HS6ST2: variants seen among roughly 807,000 people sequenced by gnomAD.
HS6ST2 encodes the protein heparan-sulfate 6-O-sulfotransferase 2.
Under a neutral mutation model 33.0 loss-of-function variants are expected in HS6ST2, and 17 were observed. The ratio of observed to expected loss-of-function variants is 0.52; its 90% CI spans 0.35 to 0.77. The LOEUF (loss-of-function observed/expected upper bound fraction) is 0.77. HS6ST2 is among the 30% of genes least tolerant of loss of function. HS6ST2 has a pLI of 0.01. For synonymous variants in HS6ST2, 248 were observed against 237.1 expected (o/e 1.05, Z -0.42); for missense variants, 519 against 551.7 (o/e 0.94, Z 0.59).
At chrX:132,902,050 T>C (rs1336258689) in intron 2 of HS6ST2, among the ~76,000 whole-genome samples, 1 of 110,782 alleles carries the variant, frequency 9.0e-6, no homozygotes, top group Non-Finnish European at 1.9e-5. Flanking sequence ...AATCCAGAAG[T>C]TGTATCAATT....
chrX:132,703,060 C>T (rs1050431218), intron 3 of HS6ST2, among the ~76,000 whole-genome samples: 2 of 112,325 alleles, frequency 1.8e-5, no homozygotes, highest in South Asian at 3.8e-4. Flanking sequence ...CTCTAACTCA[C>T]GCAAGGCAAA....
At chrX:132,935,968 A>G in intron 2 of HS6ST2, among the ~76,000 whole-genome samples, 1 of 108,898 alleles carries the variant, frequency 9.2e-6, no homozygotes, top group Admixed American at 1.0e-4. Flanking sequence ...CACTAAACAT[A>G]AAGCAAGCAG....
At chrX:132,869,906 G>C (rs1010144011) in intron 2 of HS6ST2, among the ~76,000 whole-genome samples, 9 of 111,589 alleles carry the variant, frequency 8.1e-5, no homozygotes, top group Non-Finnish European at 1.7e-4. Context: ...AGTATTGGAA[G>C]TTCTGGCCAG....
intron 3 of HS6ST2, among the ~76,000 whole-genome samples, chrX:132,699,932 G>A (rs1260711280): frequency 1.8e-5 from 2 of 112,206 alleles, no homozygotes; most frequent in East Asian, 2.8e-4. Context: ...ACAGCCTCAT[G>A]TGGATTTATA....
chrX:132,708,604 A>G, intron 2 of HS6ST2, 110 bp from the exon 3 acceptor site: 1 of 665,297 alleles, frequency 1.5e-6, no homozygotes. Flanking sequence ...CAGCTTCCCA[A>G]ACCTTAGGGA....
chrX:132,697,394 C>T (rs961665456), intron 3 of HS6ST2, among the ~76,000 whole-genome samples: 2 of 111,836 alleles, frequency 1.8e-5, no homozygotes, highest in Non-Finnish European at 3.8e-5. Flanking sequence ...AAAATTAAGG[C>T]CGGCTCTTCA....
chrX:132,943,893 G>T (rs913959418), intron 2 of HS6ST2, among the ~76,000 whole-genome samples: 2 of 111,489 alleles, frequency 1.8e-5, no homozygotes, highest in Admixed American at 1.9e-4. Context: ...CAAACCCACA[G>T]CCAAAATCAT....
chrX:132,742,187 G>A (rs1000485653), intron 2 of HS6ST2, among the ~76,000 whole-genome samples: 2 of 112,262 alleles, frequency 1.8e-5, no homozygotes, highest in East Asian at 2.8e-4. Context: ...ATCCAAAGAC[G>A]GAAGCTGCTA....
intron 2 of HS6ST2, among the ~76,000 whole-genome samples, chrX:132,821,274 G>A (rs1363803643): frequency 3.0e-5 from 3 of 101,390 alleles, no homozygotes; most frequent in African/African-American, 1.1e-4. Flanking sequence ...GTGCAGTGGC[G>A]GGATCTCGGC....
intron 2 of HS6ST2, among the ~76,000 whole-genome samples, chrX:132,812,446 A>T (rs1159988221): frequency 1.3e-5 from 1 of 77,952 alleles, no homozygotes; most frequent in Non-Finnish European, 2.7e-5. Context: ...AATAATAATA[A>T]AATAATAATA....
At chrX:132,648,734 C>A (rs1158499313) in intron 4 of HS6ST2, among the ~76,000 whole-genome samples, 2 of 111,078 alleles carry the variant, frequency 1.8e-5, no homozygotes, top group African/African-American at 6.6e-5. Flanking sequence ...TTTTTACTTT[C>A]TTTCATGCCT....
intron 3 of HS6ST2, among the ~76,000 whole-genome samples, chrX:132,694,373 G>C (rs2064087919): frequency 8.9e-6 from 1 of 111,756 alleles, no homozygotes; most frequent in Non-Finnish European, 1.9e-5. Context: ...GATATCTAGG[G>C]GAAGAGCATT....
chrX:132,798,959 C>A (rs189272796), intron 2 of HS6ST2, among the ~76,000 whole-genome samples: 1 of 111,998 alleles, frequency 8.9e-6, no homozygotes, highest in African/African-American at 3.2e-5. Context: ...CAGAACCTTG[C>A]AAGGAGGCCT....
intron 2 of HS6ST2, among the ~76,000 whole-genome samples, chrX:132,740,418 A>T (rs1322233565): frequency 9.0e-6 from 1 of 111,611 alleles, no homozygotes; most frequent in Non-Finnish European, 1.9e-5. Flanking sequence ...GAATGAGCTG[A>T]ACCCCATCAG....
chrX:132,750,410 A>T (rs1353268582), intron 2 of HS6ST2, among the ~76,000 whole-genome samples: 1 of 110,091 alleles, frequency 9.1e-6, no homozygotes. Context: ...GCTGGTCAGT[A>T]TCACACCAAC....
chrX:132,832,897 C>T (rs1035830909), intron 2 of HS6ST2, among the ~76,000 whole-genome samples: 7 of 111,504 alleles, frequency 6.3e-5, no homozygotes, highest in African/African-American at 2.3e-4. Flanking sequence ...ATGCAACCCT[C>T]ACCACAATCA....
intron 3 of HS6ST2, among the ~76,000 whole-genome samples, chrX:132,696,862 T>C (rs1277355026): frequency 8.9e-6 from 1 of 111,891 alleles, no homozygotes; most frequent in African/African-American, 3.2e-5. Flanking sequence ...CTTAAATTAA[T>C]TTTTATGATA....
intron 2 of HS6ST2, among the ~76,000 whole-genome samples, chrX:132,779,824 G>A (rs1298871993): frequency 9.0e-6 from 1 of 111,056 alleles, no homozygotes; most frequent in Non-Finnish European, 1.9e-5. Context: ...ACTATTGCCA[G>A]TTTACAGATA....
At chrX:132,780,349 A>G (rs1018636803) in intron 2 of HS6ST2, among the ~76,000 whole-genome samples, 1 of 110,928 alleles carries the variant, frequency 9.0e-6, no homozygotes, top group Non-Finnish European at 1.9e-5. Flanking sequence ...ATCCTGGCTG[A>G]AAACAACGTC....
Sources: gnomAD v4.1 joint callset for allele counts (sites outside exome capture counted in the v4.1 genomes callset) on GRCh38, gnomAD v4.1.1 for gene constraint, MANE v1.5 for transcripts, NCBI Gene and HGNC (gene_info 2026-07-23, HGNC 2026-07-21) for gene names.